MACROD1: variants seen among roughly 807,000 people sequenced by gnomAD.
The protein encoded by MACROD1 is ADP-ribose glycohydrolase MACROD1.
MACROD1 carries 31 observed loss-of-function variants against 41.4 expected under a neutral mutation model. The observed-to-expected ratio is 0.75, with a 90% CI of 0.56 to 1.01. The LOEUF (loss-of-function observed/expected upper bound fraction) is 1.01. Among genes scored for constraint, MACROD1 ranks in the 50% least tolerant of loss-of-function variants. The pLI is 0.00. For missense variants in MACROD1, 473 were observed against 460.0 expected (o/e 1.03, Z -0.26); for synonymous variants, 252 against 203.4 (o/e 1.24, Z -2.03).
chr11:64,002,338 C>T (rs1438239755), intron 4 of MACROD1, among the ~76,000 whole-genome samples: 5 of 152,180 alleles, frequency 3.3e-5, no homozygotes, highest in East Asian at 3.9e-4. Flanking sequence ...ATGTTTCCTG[C>T]GGAAGTGGAC....
At chr11:64,116,150 T>C in intron 3 of MACROD1, 10 of 1,446,356 alleles carry the variant, frequency 6.9e-6, no homozygotes, top group East Asian at 2.3e-5. Context: ...TGGGAGGGAA[T>C]GCACGATTCA....
intron 3 of MACROD1, among the ~76,000 whole-genome samples, chr11:64,081,025 T>C (rs1944293288): frequency 6.6e-6 from 1 of 152,180 alleles, no homozygotes; most frequent in South Asian, 2.1e-4. Flanking sequence ...TTACACTTCT[T>C]ATTTTATTTA....
intron 3 of MACROD1, among the ~76,000 whole-genome samples, chr11:64,031,933 G>T (rs1443725848): frequency 1.3e-5 from 2 of 152,344 alleles, no homozygotes; most frequent in Admixed American, 1.3e-4. Flanking sequence ...ACCCCTCCTT[G>T]GAGGTGATAC....
chr11:64,160,781 A>G (rs1269545287), intron 1 of MACROD1, among the ~76,000 whole-genome samples: 2 of 149,054 alleles, frequency 1.3e-5, no homozygotes, highest in Non-Finnish European at 3.0e-5. Flanking sequence ...GCACCACTGC[A>G]CTCCAGCCTG....
At chr11:64,069,965 C>T (rs1224757137) in intron 3 of MACROD1, among the ~76,000 whole-genome samples, 1 of 152,012 alleles carries the variant, frequency 6.6e-6, no homozygotes, top group East Asian at 1.9e-4. Flanking sequence ...GATCAATGTC[C>T]CTCTGCAGGG....
intron 3 of MACROD1, among the ~76,000 whole-genome samples, chr11:64,040,594 G>C (rs1943466056): frequency 6.6e-6 from 1 of 152,226 alleles, no homozygotes; most frequent in Non-Finnish European, 1.5e-5. Flanking sequence ...CTTTTCCCGA[G>C]AGCTGTGTGT....
At chr11:64,143,225 G>GA (rs1339389280) in intron 3 of MACROD1, among the ~76,000 whole-genome samples, 1 of 151,960 alleles carries the variant, frequency 6.6e-6, no homozygotes, top group African/African-American at 2.4e-5. Flanking sequence ...GAAAAAGAAA[G>GA]AAAAAAACCT....
At chr11:64,001,544 CTGTT>C in intron 4 of MACROD1, 3 of 702,420 alleles carry the variant, frequency 4.3e-6, no homozygotes, top group Non-Finnish European at 7.8e-6. Context: ...CTTTCTTTTG[CTGTT>C]TGATCTCGTG....
intron 3 of MACROD1, among the ~76,000 whole-genome samples, chr11:64,125,307 C>T (rs374499569): frequency 5.3e-5 from 8 of 152,152 alleles, no homozygotes; most frequent in African/African-American, 1.9e-4. Context: ...ACCAGAGAGT[C>T]CTCAAAGGAA....
chr11:64,144,381 C>A (rs1945461471), intron 3 of MACROD1, among the ~76,000 whole-genome samples: 1 of 152,340 alleles, frequency 6.6e-6, no homozygotes, highest in East Asian at 1.9e-4. Context: ...CCCAGGCCCA[C>A]CCCACGGCGT....
intron 3 of MACROD1, among the ~76,000 whole-genome samples, chr11:64,144,222 C>T (rs1188468525): frequency 2.0e-5 from 3 of 152,082 alleles, no homozygotes; most frequent in Non-Finnish European, 4.4e-5. Flanking sequence ...CTTAGCACCC[C>T]GTCCAACCCA....
chr11:64,005,691 G>A (rs925474004), intron 4 of MACROD1, among the ~76,000 whole-genome samples: 1 of 152,258 alleles, frequency 6.6e-6, no homozygotes, highest in Non-Finnish European at 1.5e-5. Flanking sequence ...ACAGATGGGA[G>A]GCTGAGGCTC....
At chr11:64,153,620 G>A (rs929216363) in intron 1 of MACROD1, among the ~76,000 whole-genome samples, 6 of 152,144 alleles carry the variant, frequency 3.9e-5, no homozygotes, top group Non-Finnish European at 8.8e-5. Flanking sequence ...CAAGGATGCT[G>A]AGAGCATTAG....
chr11:64,109,365 A>G (rs1051215584), intron 3 of MACROD1, among the ~76,000 whole-genome samples: 1 of 151,984 alleles, frequency 6.6e-6, no homozygotes, highest in Admixed American at 6.5e-5. Context: ...AGACACCCAC[A>G]CTCAGCTTCC....
intron 3 of MACROD1, among the ~76,000 whole-genome samples, chr11:64,062,774 C>T (rs1266560990): frequency 6.6e-6 from 1 of 152,182 alleles, no homozygotes; most frequent in African/African-American, 2.4e-5. Context: ...CCAGGCCGGG[C>T]AGGTCTGGGG....
At chr11:64,055,864 G>C (rs1160860145) in intron 3 of MACROD1, among the ~76,000 whole-genome samples, 1 of 152,200 alleles carries the variant, frequency 6.6e-6, no homozygotes, top group Non-Finnish European at 1.5e-5. Flanking sequence ...TGACTCTTGG[G>C]TCTGCTATTG....
At chr11:64,104,687 C>A (rs890334222) in intron 3 of MACROD1, among the ~76,000 whole-genome samples, 4 of 152,178 alleles carry the variant, frequency 2.6e-5, no homozygotes, top group Non-Finnish European at 2.9e-5. Flanking sequence ...TGGGTTGATC[C>A]AAAGCTACTG....
At chr11:64,034,474 A>G (rs1205584587) in intron 3 of MACROD1, among the ~76,000 whole-genome samples, 1 of 152,166 alleles carries the variant, frequency 6.6e-6, no homozygotes, top group Non-Finnish European at 1.5e-5. Context: ...AGTTAAGGGG[A>G]GGGAAATTAG....
At chr11:64,000,637 AGGCAGGGC>A (rs1361383014) in intron 4 of MACROD1, among the ~76,000 whole-genome samples, 1 of 151,960 alleles carries the variant, frequency 6.6e-6, no homozygotes, top group Non-Finnish European at 1.5e-5. Context: ...GCCAGGGCCC[AGGCAGGGC>A]GGCTCCGGGA....
Sources: allele counts gnomAD v4.1 joint callset (sites outside exome capture counted in the v4.1 genomes callset), GRCh38; gene constraint gnomAD v4.1.1; transcripts MANE v1.5; gene names NCBI Gene and HGNC (gene_info 2026-07-23, HGNC 2026-07-21).